Variants in KDM6A observed in about 807,000 individuals in gnomAD.
KDM6A encodes the protein lysine-specific demethylase 6A.
Under a neutral mutation model 117.6 loss-of-function variants are expected in KDM6A, and 11 were observed. The ratio of observed to expected loss-of-function variants is 0.09; its 90% CI spans 0.06 to 0.15. The LOEUF (loss-of-function observed/expected upper bound fraction) is 0.15, where lower values mean the gene tolerates loss of function less well. Among genes scored for constraint, KDM6A ranks in the 10% least tolerant of loss-of-function variants. The pLI, the probability that KDM6A is intolerant of heterozygous loss-of-function variation, is 1.00. For synonymous variants in KDM6A, 384 were observed against 396.1 expected (o/e 0.97, Z 0.36); for missense variants, 799 against 1,077.3 (o/e 0.74, Z 3.62).
At chrX:44,974,599 G>A in intron 3 of KDM6A, 67 bp from the exon 4 acceptor site, 1 of 741,677 alleles carries the variant, frequency 1.3e-6, no homozygotes, top group Non-Finnish European at 2.1e-6. Flanking sequence ...TTGTTACCGT[G>A]TTTGTTAAGT....
chrX:44,966,665 G>A (rs1373874339), intron 3 of KDM6A, among the ~76,000 whole-genome samples: 4 of 109,686 alleles, frequency 3.6e-5, no homozygotes, highest in Non-Finnish European at 7.6e-5. Flanking sequence ...GGCATTGATA[G>A]GTAGTTAGCA....
At chrX:45,053,976 A>G (rs1297165156) in intron 10 of KDM6A, 21 bp downstream of exon 10, 1 of 1,198,503 alleles carries the variant, frequency 8.3e-7, no homozygotes, top group Non-Finnish European at 1.1e-6. Flanking sequence ...CCAGACATTT[A>G]TGTTTGATTT....
At chrX:44,926,383 G>C in intron 2 of KDM6A, among the ~76,000 whole-genome samples, 1 of 111,269 alleles carries the variant, frequency 9.0e-6, no homozygotes, top group Non-Finnish European at 1.9e-5. Flanking sequence ...GGCCAAGGAT[G>C]TTTTAATACT....
intron 4 of KDM6A, among the ~76,000 whole-genome samples, chrX:45,003,674 C>T (rs1479140249): frequency 9.1e-6 from 1 of 110,146 alleles, no homozygotes; most frequent in African/African-American, 3.3e-5. Flanking sequence ...GAATAGGGTA[C>T]ACTGTTTTTT....
At chrX:45,035,239 T>G (rs984151257) in intron 7 of KDM6A, among the ~76,000 whole-genome samples, 7 of 111,930 alleles carry the variant, frequency 6.3e-5, no homozygotes, top group African/African-American at 2.3e-4. Flanking sequence ...ACAAGATTGA[T>G]TTTTCTCTGT....
intron 4 of KDM6A, among the ~76,000 whole-genome samples, chrX:45,007,503 G>GT (rs199867574): frequency 0.12 from 13,228 of 111,557 alleles, 903 homozygotes; most frequent in African/African-American, 0.26. Flanking sequence ...GCTTACAAAC[G>GT]TGTCTTGAAC....
At chrX:45,065,636 T>TA (rs2044499448) in intron 17 of KDM6A, among the ~76,000 whole-genome samples, 1 of 111,671 alleles carries the variant, frequency 9.0e-6, no homozygotes, top group East Asian at 2.8e-4. Flanking sequence ...GATTAGTTGA[T>TA]ATAGAGTGAT....
At chrX:44,931,955 C>T (rs2036650701) in intron 2 of KDM6A, among the ~76,000 whole-genome samples, 1 of 109,856 alleles carries the variant, frequency 9.1e-6, no homozygotes, top group Non-Finnish European at 1.9e-5. Context: ...ACCTTGGAAT[C>T]GAGAAATGGA....
intron 27 of KDM6A, among the ~76,000 whole-genome samples, chrX:45,102,946 T>G (rs1237068699): frequency 9.0e-6 from 1 of 110,554 alleles, no homozygotes; most frequent in East Asian, 2.8e-4. Context: ...AGCTCATATG[T>G]TGGCTTGCTT....
At position 44,873,295 on chromosome X, in the gene KDM6A, G is replaced by GC. The variant is rs2031006479; in HGVS notation, c.-252dup. 1 of 357,327 alleles carries GC rather than the reference G, an allele frequency of 2.8e-6. No individual in the cohort carries two copies. The highest frequency in any genetic ancestry group is 4.8e-6 in the Non-Finnish European group (1 of 207,886). The allele number at this position is 357,327 out of a possible 1,213,427, so 29.4% of individuals were successfully genotyped here. A position where few individuals can be genotyped will look rare whatever the true frequency, so the allele number is the denominator to read the frequency against. ...GTTCCCGCCGTCCCCGCCTGTGGCT[G>GC]CCCCCTGCCCAACCCCGCGATGTGA... On this transcript the variant is annotated 5_prime_UTR_variant, in exon 1 of 30. Coordinates refer to ENST00000611820, the MANE Select transcript of KDM6A (RefSeq NM_001291415.2).
chrX:44,954,148 A>C (rs2084793753), intron 2 of KDM6A, among the ~76,000 whole-genome samples: 2 of 110,460 alleles, frequency 1.8e-5, no homozygotes, highest in Non-Finnish European at 3.8e-5. Flanking sequence ...TTGACGTTTC[A>C]AAAATGGTTT....
intron 2 of KDM6A, among the ~76,000 whole-genome samples, chrX:44,885,747 C>CT (rs764552370): frequency 9.1e-6 from 1 of 109,738 alleles, no homozygotes; most frequent in South Asian, 4.0e-4. Context: ...TGGCGGGCGC[C>CT]TGTAGTCCTG....
rs755667030 is a variant in KDM6A, at chrX:45,107,404, C to T, written c.4035-6C>T. 2.5e-6 allele frequency: 3 copies of T among 1,206,667 alleles called. No individual in the cohort carries two copies. Among genetic ancestry groups the T allele is most frequent in the East Asian group, 3.0e-5 (1 of 33,759 alleles). On this transcript the variant is annotated splice_polypyrimidine_tract_variant and splice_region_variant and intron_variant, in intron 27 of 29. Transcript: ENST00000611820. ...CTGGTCACAAATAATTTCTCCCCCACAATAGGTATTGTCTTCTAAGAACTC... is the reference window on the plus strand; with the variant it reads ...CTGGTCACAAATAATTTCTCCCCCATAATAGGTATTGTCTTCTAAGAACTC...
Position 45,060,634 on chromosome X carries a change from C to T in KDM6A, c.1355C>T (p.Thr452Ile), listed in dbSNP as rs1218797583. Residue 452 changes from threonine to isoleucine, a missense_variant, in exon 14 of 30, where the codon ACT (threonine) becomes ATT (isoleucine). Physicochemically the swap from Thr to Ile is moderately conservative, Grantham distance 89. Coordinates refer to ENST00000611820, the MANE Select transcript of KDM6A (RefSeq NM_001291415.2). ...QQACKPHHPN[T>I]EPVLGLSQTP... is the part of the protein sequence containing the mutation. ...GCATGTAAACCTCATCATCCAAATA[C>T]TGAACCTGTATTAGGCCTCAGTCAA... 12 of 1,066,206 alleles carry T rather than the reference C, an allele frequency of 1.1e-5. No homozygotes were observed. The highest frequency in any genetic ancestry group is 1.5e-5 in the Non-Finnish European group (12 of 809,629). 87.9% of individuals were successfully genotyped at this position (1,066,206 alleles called of 1,213,427 possible). A position where few individuals can be genotyped will look rare whatever the true frequency, so the allele number is the denominator to read the frequency against.
intron 27 of KDM6A, among the ~76,000 whole-genome samples, chrX:45,094,763 C>A (rs960119839): frequency 3.6e-5 from 4 of 111,662 alleles, no homozygotes; most frequent in Non-Finnish European, 7.5e-5. Context: ...TTTGCCCTCC[C>A]TCCTGATTAC....
At position 45,074,282 on chromosome X, in the gene KDM6A, T is replaced by G. The variant is rs184765831; in HGVS notation, c.2859-2415T>G. Among the ~76,000 whole-genome samples the G allele has an allele frequency of 1.3e-4, 14 of 111,872 alleles. No homozygotes were observed. The East Asian group carries it at 3.9e-3, about 31-fold the overall frequency. ...ATGCTGTTTTGGTCCAAAATCTGCT[T>G]CTTTCTTCAACTCCTTTCTCCACTT... On this transcript the variant is annotated intron_variant, in intron 18 of 29. Coordinates refer to ENST00000611820, the MANE Select transcript of KDM6A (RefSeq NM_001291415.2).
rs191664632 is a variant in KDM6A, at chrX:45,013,575, A to G, written c.443+2556A>G. On this transcript the variant is annotated intron_variant, in intron 5 of 29. Coordinates refer to ENST00000611820, the MANE Select transcript of KDM6A (RefSeq NM_001291415.2). ...GATTTCTATATTTTTCAGTTGACCT[A>G]AGAAATGAAACTGAATGATATAAGG... 1.9e-3 allele frequency among the ~76,000 whole-genome samples: 208 copies of G among 112,133 alleles called. 1 individual carries two copies. Among genetic ancestry groups the G allele is most frequent in the African/African-American group, 6.5e-3 (201 of 30,882 alleles).
chrX:44,931,389 C>T (rs1200513681), intron 2 of KDM6A, among the ~76,000 whole-genome samples: 1 of 111,850 alleles, frequency 8.9e-6, no homozygotes, highest in Non-Finnish European at 1.9e-5. Context: ...AGCAGGATCT[C>T]AAAGAGGTAT....
rs146094706 is a variant in KDM6A at position 45,017,427 on chromosome X, C to G, written c.444-3183C>G. 5.9e-3 allele frequency among the ~76,000 whole-genome samples: 659 copies of G among 111,396 alleles called. 5 individuals carry two copies. Among genetic ancestry groups the G allele is most frequent in the African/African-American group, 0.02 (620 of 30,604 alleles). On this transcript the variant is annotated intron_variant, in intron 5 of 29. Coordinates refer to ENST00000611820, the MANE Select transcript of KDM6A (RefSeq NM_001291415.2). ...GTAGTCTGAGTGTTACCTATTTTCT[C>G]TACCCTCCCACTCCCTCAACTCTTA... is the stretch of plus-strand genomic sequence containing the variant.
Sources: gnomAD v4.1 joint callset for allele counts (sites outside exome capture counted in the v4.1 genomes callset) on GRCh38, gnomAD v4.1.1 for gene constraint, MANE v1.5 for transcripts, NCBI Gene and HGNC (gene_info 2026-07-23, HGNC 2026-07-21) for gene names.